ASNS: variants seen among roughly 807,000 people sequenced by gnomAD.
The protein encoded by ASNS is asparagine synthetase [glutamine-hydrolyzing].
A neutral mutation model predicts 62.6 loss-of-function variants in ASNS; 37 were observed. The ratio of observed to expected loss-of-function variants is 0.59; its 90% confidence interval spans 0.45 to 0.78. ASNS has a LOEUF of 0.78. Ranked by LOEUF, ASNS falls within the 30% of genes least tolerant of loss-of-function variation. ASNS has a pLI of 0.00. For synonymous variants in ASNS, 207 were observed against 237.9 expected (o/e 0.87, Z 1.19); for missense variants, 520 against 682.4 (o/e 0.76, Z 2.65).
At chr7:97,918,109 G>A in the ASNS span, among the ~76,000 whole-genome samples, 1 of 152,148 alleles carries the variant, frequency 6.6e-6, no homozygotes, top group Non-Finnish European at 1.5e-5. Context: ...GGACTGTGGG[G>A]TGGGGGCAGA....
At chr7:97,889,315 G>C in the ASNS span, among the ~76,000 whole-genome samples, 1 of 152,050 alleles carries the variant, frequency 6.6e-6, no homozygotes, top group Non-Finnish European at 1.5e-5. Context: ...TCAGGAGTTC[G>C]AGAGCAGCCT....
At chr7:97,923,325 C>A in the ASNS span, among the ~76,000 whole-genome samples, 8 of 151,814 alleles carry the variant, frequency 5.3e-5, no homozygotes, top group African/African-American at 1.7e-4. Context: ...CATGGTGGCT[C>A]ATGCCTGTAA....
chr7:97,925,029 C>T, the ASNS span, among the ~76,000 whole-genome samples: 3 of 152,020 alleles, frequency 2.0e-5, no homozygotes, highest in East Asian at 1.9e-4. Context: ...CCCAGCTACT[C>T]GGGAGGCTGA....
the ASNS span, among the ~76,000 whole-genome samples, chr7:97,883,349 A>C: frequency 6.6e-6 from 1 of 152,100 alleles, no homozygotes; most frequent in African/African-American, 2.4e-5. Context: ...AAGGGACCTC[A>C]AGTAACCTTA....
At chr7:97,923,742 T>C in the ASNS span, among the ~76,000 whole-genome samples, 2 of 152,186 alleles carry the variant, frequency 1.3e-5, no homozygotes, top group Admixed American at 6.5e-5. Flanking sequence ...CTTCCTGTCC[T>C]TGCCTGACAC....
chr7:97,914,216 A>C, the ASNS span, among the ~76,000 whole-genome samples: 1 of 151,768 alleles, frequency 6.6e-6, no homozygotes, highest in Non-Finnish European at 1.5e-5. Context: ...GGAATGGTGG[A>C]TAGATGGACG....
chr7:97,851,855 C>A lies in ASNS; in HGVS notation c.*404G>T. On this transcript the variant is annotated 3_prime_UTR_variant, in exon 13 of 13. Coordinates refer to ENST00000394308, the MANE Select transcript of ASNS (RefSeq NM_001673.5). ...TATAGAAGATTCAAGTCTGAGTCTG[C>A]CTAGGCAGCTGTTAGGAATGTAGGC... 5.1e-6 allele frequency: 1 copy of A among 194,656 alleles called. No homozygotes were observed. 12.1% of individuals were successfully genotyped at this position (194,656 alleles called of 1,614,324 possible).
the ASNS span, among the ~76,000 whole-genome samples, chr7:97,886,720 T>C: frequency 6.6e-6 from 1 of 152,150 alleles, no homozygotes; most frequent in East Asian, 1.9e-4. Flanking sequence ...CCACGGATCT[T>C]CTACTCTGGA....
At chr7:97,914,262 G>T in the ASNS span, among the ~76,000 whole-genome samples, 2 of 151,914 alleles carry the variant, frequency 1.3e-5, no homozygotes, top group African/African-American at 2.4e-5. Context: ...ATTTTTTCAG[G>T]GTCCTCCAAA....
At chr7:97,920,211 C>A in the ASNS span, among the ~76,000 whole-genome samples, 1 of 152,142 alleles carries the variant, frequency 6.6e-6, no homozygotes, top group African/African-American at 2.4e-5. Context: ...ACCATGTTGG[C>A]CAGGCTAGTC....
At chr7:97,879,588 G>GGAACCT in the ASNS span, among the ~76,000 whole-genome samples, 2 of 152,184 alleles carry the variant, frequency 1.3e-5, no homozygotes, top group Non-Finnish European at 1.5e-5. Context: ...GAGGACAGCA[G>GGAACCT]GAACCTGGGG....
At chr7:97,905,193 T>G in the ASNS span, among the ~76,000 whole-genome samples, 2 of 152,190 alleles carry the variant, frequency 1.3e-5, no homozygotes, top group Admixed American at 6.5e-5. Flanking sequence ...TCCTGCCTCC[T>G]CATCCCTCTA....
chr7:97,897,719 C>G, the ASNS span, among the ~76,000 whole-genome samples: 1 of 152,150 alleles, frequency 6.6e-6, no homozygotes, highest in Non-Finnish European at 1.5e-5. Context: ...AAACTAAGAA[C>G]AGATCTACCA....
At chr7:97,903,053 A>G in the ASNS span, among the ~76,000 whole-genome samples, 23 of 151,886 alleles carry the variant, frequency 1.5e-4, no homozygotes, top group Admixed American at 3.3e-4. Context: ...TGCACAGGGA[A>G]CCCCCACACA....
chr7:97,902,612 C>T, the ASNS span, among the ~76,000 whole-genome samples: 4 of 152,046 alleles, frequency 2.6e-5, no homozygotes, highest in South Asian at 2.1e-4. Context: ...CCCAGCTACT[C>T]GGGAGGGCTG....
chr7:97,905,992 T>C, the ASNS span, among the ~76,000 whole-genome samples: 1 of 152,200 alleles, frequency 6.6e-6, no homozygotes, highest in East Asian at 1.9e-4. Flanking sequence ...GAAGTTTGCA[T>C]CCTCTTAGGT....
the ASNS span, among the ~76,000 whole-genome samples, chr7:97,902,480 G>C: frequency 2.0e-5 from 3 of 152,168 alleles, no homozygotes; most frequent in Non-Finnish European, 2.9e-5. Flanking sequence ...GGGAGGCCGA[G>C]ATGAGCAGAT....
chr7:97,851,877 A>G lies in ASNS; in HGVS notation c.*382T>C, dbSNP rs1442467442. The G allele has an allele frequency of 1.4e-5, 3 of 220,582 alleles. No individual in the cohort carries two copies. Among genetic ancestry groups the G allele is most frequent in the Non-Finnish European group, 2.7e-5 (3 of 109,710 alleles). The allele number at this position is 220,582 out of a possible 1,614,324, so 13.7% of individuals were successfully genotyped here. On this transcript the variant is annotated 3_prime_UTR_variant, in exon 13 of 13. Coordinates refer to ENST00000394308, the MANE Select transcript of ASNS (RefSeq NM_001673.5). ...CTGCCTAGGCAGCTGTTAGGAATGT[A>G]GGCAGAACAAAAATAGTGTAGTCCT...
intron 12 of ASNS, 118 bp downstream of exon 12, chr7:97,852,942 T>C: frequency 1.0e-6 from 1 of 975,496 alleles, no homozygotes; most frequent in South Asian, 2.0e-5. Context: ...TCAAACTAAA[T>C]ACATGTATCA....
Sources: gnomAD v4.1 joint callset for allele counts (sites outside exome capture counted in the v4.1 genomes callset) on GRCh38, gnomAD v4.1.1 for gene constraint, MANE v1.5 for transcripts, NCBI Gene and HGNC (gene_info 2026-07-23, HGNC 2026-07-21) for gene names.